The following ATF2 variants were observed in gnomAD, a reference collection of about 807,000 sequenced individuals.
ATF2 encodes the protein cyclic AMP-dependent transcription factor ATF-2.
In ATF2, 24 loss-of-function variants were observed where a neutral mutation model predicts 60.6. That is an observed-to-expected ratio of 0.40 (90% confidence interval 0.29 to 0.56). ATF2 has a LOEUF of 0.56. Ranked by LOEUF, ATF2 falls within the 20% of genes least tolerant of loss-of-function variation. The pLI, the probability that ATF2 is intolerant of heterozygous loss-of-function variation, is 0.54. For missense variants in ATF2, 433 were observed against 607.7 expected (o/e 0.71, Z 3.02); for synonymous variants, 206 against 215.4 (o/e 0.96, Z 0.38).
Position 175,093,262 on chromosome 2 carries a change from A to C in ATF2, c.984T>G (p.Ser328=). 1 of 1,613,778 alleles carries C rather than the reference A, an allele frequency of 6.2e-7. No individual in the cohort carries two copies. The highest frequency in any genetic ancestry group is 8.5e-7 in the Non-Finnish European group (1 of 1,179,860). ...PATSTTETPA[S]PAHTTPQTQS... ...GGGTCTGTGGAGTTGTGTGAGCTGG[A>C]GAAGCCTATTATAAACAGAGATGAA... The change falls in exon 12 of 14, where the codon TCT becomes TCG. Residue 328 remains serine (S), a synonymous_variant. Transcript: ENST00000264110.
chr2:175,110,116 C>A (rs921023910), intron 10 of ATF2, among the ~76,000 whole-genome samples: 7 of 152,070 alleles, frequency 4.6e-5, no homozygotes, highest in African/African-American at 1.7e-4. Context: ...GAGGGGGGAT[C>A]ACGAGGTCAG....
rs929340383 is a variant in ATF2, at chr2:175,115,648, T to C, written c.448-780A>G. ...ACTTATCATCAAAATCTTATTAAGC[T>C]ACATAGGAAGAAGGATAAAGTAGTA... On this transcript the variant is annotated intron_variant, in intron 7 of 13. Transcript: ENST00000264110. Among the ~76,000 whole-genome samples, 5 of 152,274 alleles carry C rather than the reference T, an allele frequency of 3.3e-5. No individual in the cohort carries two copies. In the East Asian group the frequency reaches 9.6e-4, roughly 29 times the overall value.
At chr2:175,086,338 A>G (rs533095150) in intron 12 of ATF2, among the ~76,000 whole-genome samples, 1 of 152,320 alleles carries the variant, frequency 6.6e-6, no homozygotes, top group Admixed American at 6.5e-5. Context: ...ATTGGGACTG[A>G]GAGAAATACT....
chr2:175,131,466 T>C (rs1697721952), intron 3 of ATF2, among the ~76,000 whole-genome samples: 1 of 152,306 alleles, frequency 6.6e-6, no homozygotes, highest in South Asian at 2.1e-4. Context: ...CTGCTGCTGG[T>C]GCCAGTACTA....
intron 13 of ATF2, among the ~76,000 whole-genome samples, chr2:175,078,031 G>A (rs547754252): frequency 6.6e-6 from 1 of 152,290 alleles, no homozygotes; most frequent in African/African-American, 2.4e-5. Flanking sequence ...GCTATGGCAC[G>A]ATCACAGCTC....
intron 1 of ATF2, among the ~76,000 whole-genome samples, chr2:175,153,331 C>G (rs1477392075): frequency 6.6e-6 from 1 of 152,188 alleles, no homozygotes; most frequent in Non-Finnish European, 1.5e-5. Flanking sequence ...GGGATACATT[C>G]TTTGAGAAAT....
At chr2:175,138,750 T>C (rs1028238970) in intron 2 of ATF2, among the ~76,000 whole-genome samples, 2 of 152,222 alleles carry the variant, frequency 1.3e-5, no homozygotes, top group Non-Finnish European at 2.9e-5. Flanking sequence ...ATAATCCAGA[T>C]TGAAAATTTC....
intron 12 of ATF2, among the ~76,000 whole-genome samples, chr2:175,089,874 A>G (rs1694425022): frequency 6.6e-6 from 1 of 152,158 alleles, no homozygotes; most frequent in Non-Finnish European, 1.5e-5. Flanking sequence ...CTAAAATGCT[A>G]CCTATACTTA....
chr2:175,112,982 C>G (rs1696302940), intron 9 of ATF2, among the ~76,000 whole-genome samples: 1 of 152,106 alleles, frequency 6.6e-6, no homozygotes, highest in African/African-American at 2.4e-5. Flanking sequence ...CTTTTTATTA[C>G]ATAAATAAGT....
chr2:175,136,570 T>C (rs977598697), intron 2 of ATF2, 84 bp from the exon 3 acceptor site: 1 of 863,008 alleles, frequency 1.2e-6, no homozygotes, highest in Non-Finnish European at 1.9e-6. Context: ...CTCAAATTAC[T>C]CTCTGTAACA....
intron 8 of ATF2, chr2:175,114,405 A>G: frequency 8.0e-7 from 1 of 1,251,834 alleles, no homozygotes; most frequent in Non-Finnish European, 1.0e-6. Context: ...ACTGAAAGAA[A>G]TGGAATCTGG....
chr2:175,104,468 G>A (rs10181383), intron 10 of ATF2, among the ~76,000 whole-genome samples: 7 of 151,346 alleles, frequency 4.6e-5, no homozygotes, highest in African/African-American at 1.2e-4. Flanking sequence ...GTGGCAGGGT[G>A]GGGGGGGCGG....
At chr2:175,149,916 C>CA (rs957823039) in intron 2 of ATF2, among the ~76,000 whole-genome samples, 1 of 152,120 alleles carries the variant, frequency 6.6e-6, no homozygotes, top group African/African-American at 2.4e-5. Context: ...TTGGATCTCT[C>CA]ATTTACCCCA....
intron 12 of ATF2, among the ~76,000 whole-genome samples, chr2:175,089,199 T>A (rs1191241216): frequency 6.6e-6 from 1 of 151,716 alleles, no homozygotes; most frequent in Non-Finnish European, 1.5e-5. Context: ...AAAACAATAA[T>A]TTATAACCAA....
chr2:175,074,519 A>C lies in ATF2; in HGVS notation c.*90T>G. 1 of 1,435,536 alleles carries C rather than the reference A, an allele frequency of 7.0e-7. No individual in the cohort carries two copies. Among genetic ancestry groups the C allele is most frequent in the Non-Finnish European group, 9.3e-7 (1 of 1,079,064 alleles). 88.9% of individuals were successfully genotyped at this position (1,435,536 alleles called of 1,614,324 possible). On this transcript the variant is annotated 3_prime_UTR_variant, in exon 14 of 14. Coordinates refer to ENST00000264110, the MANE Select transcript of ATF2 (RefSeq NM_001880.4). ...GTAAAAAAAAAAAATTTACAACCAC[A>C]GATTTCGCATAAATGGAAACTGGTC...
At chr2:175,151,639 T>C (rs886225205) in intron 1 of ATF2, among the ~76,000 whole-genome samples, 3 of 152,292 alleles carry the variant, frequency 2.0e-5, no homozygotes, top group African/African-American at 7.2e-5. Context: ...TAAATATATG[T>C]GTATCAGTTA....
intron 10 of ATF2, among the ~76,000 whole-genome samples, chr2:175,101,188 G>A (rs1390650553): frequency 6.6e-6 from 1 of 152,094 alleles, no homozygotes; most frequent in African/African-American, 2.4e-5. Flanking sequence ...GGGATAATGT[G>A]GAAGTGGATG....
At chr2:175,142,959 G>A (rs1304361179) in intron 2 of ATF2, among the ~76,000 whole-genome samples, 1 of 151,924 alleles carries the variant, frequency 6.6e-6, no homozygotes, top group African/African-American at 2.4e-5. Flanking sequence ...TGATCTTCCC[G>A]CCTCAGCTTC....
Position 175,146,525 on chromosome 2 carries a change from T to C in ATF2, c.-44+4535A>G, listed in dbSNP as rs1227080301. 4.6e-5 allele frequency among the ~76,000 whole-genome samples: 7 copies of C among 152,348 alleles called. No homozygotes were observed. The South Asian group carries it at 1.4e-3, about 32-fold the overall frequency. ...ACTTATAGAAGGAGTTTAAGTTGTA[T>C]GTAAATAATATGCACTGTAATAATT... On this transcript the variant is annotated intron_variant, in intron 2 of 13. Coordinates refer to ENST00000264110, the MANE Select transcript of ATF2 (RefSeq NM_001880.4).
Sources: gnomAD v4.1 joint callset for allele counts (sites outside exome capture counted in the v4.1 genomes callset) on GRCh38, gnomAD v4.1.1 for gene constraint, MANE v1.5 for transcripts, NCBI Gene and HGNC (gene_info 2026-07-23, HGNC 2026-07-21) for gene names.